UNC5C: variants seen among roughly 807,000 people sequenced by gnomAD.
UNC5C encodes unc-5 netrin receptor C.
UNC5C carries 47 observed loss-of-function variants against 99.8 expected under a neutral mutation model. That is an observed-to-expected ratio of 0.47 (90% CI 0.37 to 0.60). The LOEUF (loss-of-function observed/expected upper bound fraction) is 0.60. Ranked by LOEUF, UNC5C falls within the 20% of genes least tolerant of loss-of-function variation. The pLI, the probability that UNC5C is intolerant of heterozygous loss-of-function variation, is 0.00. For synonymous variants in UNC5C, 487 were observed against 452.2 expected (o/e 1.08, Z -0.98); for missense variants, 1,062 against 1,165.9 (o/e 0.91, Z 1.30).
chr4:95,307,610 ATT>A (rs1235352410), intron 2 of UNC5C, among the ~76,000 whole-genome samples: 16 of 152,338 alleles, frequency 1.1e-4, no homozygotes, highest in Admixed American at 4.6e-4. Flanking sequence ...CTACTTCCAA[ATT>A]CATGTTACAA....
chr4:95,411,162 AG>A (rs2149451960), intron 1 of UNC5C, among the ~76,000 whole-genome samples: 1 of 152,356 alleles, frequency 6.6e-6, no homozygotes, highest in African/African-American at 2.4e-5. Flanking sequence ...TGACCAGGAC[AG>A]GGAAGATGGA....
intron 1 of UNC5C, among the ~76,000 whole-genome samples, chr4:95,398,166 A>C (rs1009701520): frequency 4.6e-5 from 7 of 151,516 alleles, no homozygotes; most frequent in African/African-American, 1.7e-4. Flanking sequence ...ACAGGATTCC[A>C]TGCTTATCAT....
chr4:95,249,499 A>C (rs17023358), intron 5 of UNC5C, among the ~76,000 whole-genome samples: 8,890 of 152,320 alleles, frequency 0.058, 306 homozygotes, highest in South Asian at 0.1. Context: ...CAATAATATG[A>C]GGAACTATTA....
chr4:95,415,354 A>T (rs1402907582), intron 1 of UNC5C, among the ~76,000 whole-genome samples: 1 of 141,178 alleles, frequency 7.1e-6, no homozygotes, highest in Non-Finnish European at 1.6e-5. Flanking sequence ...TAAAATTGTT[A>T]AAAAAAAAAC....
chr4:95,457,080 G>T (rs1578173970), intron 1 of UNC5C, among the ~76,000 whole-genome samples: 1 of 152,136 alleles, frequency 6.6e-6, no homozygotes, highest in East Asian at 1.9e-4. Context: ...AAGCTAATCA[G>T]AAATTTCCCA....
intron 14 of UNC5C, among the ~76,000 whole-genome samples, chr4:95,170,822 C>T (rs1736067996): frequency 6.6e-6 from 1 of 152,216 alleles, no homozygotes; most frequent in African/African-American, 2.4e-5. Context: ...CTAAACTCCA[C>T]AGAAGATGTC....
chr4:95,303,823 GTGTGTA>G (rs1369720809), intron 2 of UNC5C, among the ~76,000 whole-genome samples: 5 of 152,236 alleles, frequency 3.3e-5, no homozygotes, highest in Admixed American at 6.5e-5. Flanking sequence ...GTGTATATCT[GTGTGTA>G]TGTGTATGTG....
intron 1 of UNC5C, among the ~76,000 whole-genome samples, chr4:95,365,695 TA>T: frequency 6.6e-6 from 1 of 152,194 alleles, no homozygotes; most frequent in Non-Finnish European, 1.5e-5. Flanking sequence ...CTAACATACA[TA>T]GAGTTAAAAT....
chr4:95,385,029 G>C (rs1398796354), intron 1 of UNC5C, among the ~76,000 whole-genome samples: 2 of 152,028 alleles, frequency 1.3e-5, no homozygotes, highest in Admixed American at 6.6e-5. Flanking sequence ...TTGTGCCCAG[G>C]GGGAGGTCTG....
At chr4:95,328,043 T>C (rs1332109155) in intron 2 of UNC5C, among the ~76,000 whole-genome samples, 3 of 85,548 alleles carry the variant, frequency 3.5e-5, no homozygotes, top group Admixed American at 1.2e-4. Context: ...GCAACTTCTT[T>C]TTTTTTTTTT....
intron 1 of UNC5C, among the ~76,000 whole-genome samples, chr4:95,455,223 A>G (rs536320071): frequency 6.6e-5 from 10 of 152,226 alleles, no homozygotes; most frequent in African/African-American, 7.2e-5. Flanking sequence ...GTAGAAAAGT[A>G]TGAGGTTTGG....
intron 1 of UNC5C, among the ~76,000 whole-genome samples, chr4:95,436,952 C>G (rs1307354495): frequency 6.7e-6 from 1 of 148,400 alleles, no homozygotes; most frequent in Non-Finnish European, 1.5e-5. Context: ...TCAGAATAAA[C>G]TGCCTTTAAT....
chr4:95,207,116 G>A (rs921910959), intron 10 of UNC5C, among the ~76,000 whole-genome samples: 1 of 152,122 alleles, frequency 6.6e-6, no homozygotes, highest in African/African-American at 2.4e-5. Flanking sequence ...GATGGAATGA[G>A]AATGAACAGA....
intron 15 of UNC5C, 42 bp downstream of exon 15, chr4:95,170,112 A>G (rs141672259): frequency 6.5e-5 from 104 of 1,599,330 alleles, no homozygotes; most frequent in Admixed American, 8.5e-5. Context: ...CCTGGAGGGC[A>G]CTAACAGAAA....
chr4:95,239,565 G>A (rs1371417101), intron 7 of UNC5C, among the ~76,000 whole-genome samples: 1 of 152,086 alleles, frequency 6.6e-6, no homozygotes, highest in Non-Finnish European at 1.5e-5. Flanking sequence ...GGTTATATTG[G>A]TGTCCACTCA....
At chr4:95,519,414 G>C (rs887939170) in intron 1 of UNC5C, among the ~76,000 whole-genome samples, 3 of 151,876 alleles carry the variant, frequency 2.0e-5, no homozygotes, top group African/African-American at 7.3e-5. Context: ...CCATAGAATG[G>C]ACCCAAGTTT....
chr4:95,513,349 T>G (rs1275926058), intron 1 of UNC5C, among the ~76,000 whole-genome samples: 1 of 152,220 alleles, frequency 6.6e-6, no homozygotes. Context: ...AGTGGTGCCT[T>G]CATTCCTAAT....
At chr4:95,515,139 A>C (rs1424805296) in intron 1 of UNC5C, among the ~76,000 whole-genome samples, 1 of 152,222 alleles carries the variant, frequency 6.6e-6, no homozygotes. Context: ...GTAACATGGA[A>C]AGCTAACAAT....
At chr4:95,545,677 G>A (rs916992758) in intron 1 of UNC5C, among the ~76,000 whole-genome samples, 4 of 151,778 alleles carry the variant, frequency 2.6e-5, no homozygotes, top group African/African-American at 9.7e-5. Flanking sequence ...TAGATAAGCA[G>A]CATATCAATG....
Sources: gnomAD v4.1 joint callset for allele counts (sites outside exome capture counted in the v4.1 genomes callset) on GRCh38, gnomAD v4.1.1 for gene constraint, MANE v1.5 for transcripts, NCBI Gene and HGNC (gene_info 2026-07-23, HGNC 2026-07-21) for gene names.